The following UNC13C variants were observed in gnomAD, a reference collection of about 807,000 sequenced individuals.
UNC13C encodes unc-13 homolog C.
UNC13C carries 174 observed loss-of-function variants against 245.4 expected under a neutral mutation model. The observed-to-expected ratio is 0.71, with a 90% confidence interval of 0.63 to 0.80. UNC13C has a LOEUF of 0.80. Among genes scored for constraint, UNC13C ranks in the 30% least tolerant of loss-of-function variants. The pLI, the probability that UNC13C is intolerant of heterozygous loss-of-function variation, is 0.00. For missense variants in UNC13C, 2,829 were observed against 2,602.9 expected (o/e 1.09, Z -1.89); for synonymous variants, 992 against 895.1 (o/e 1.11, Z -1.93).
chr15:54,237,579 C>T (rs2035735724), intron 6 of UNC13C, 40 bp from the exon 7 acceptor site: 1 of 1,506,156 alleles, frequency 6.6e-7, no homozygotes, highest in East Asian at 2.3e-5. Flanking sequence ...GCACGTCAAC[C>T]TCCCTATGTA....
At chr15:54,612,069 C>A (rs966635949) in intron 30 of UNC13C, among the ~76,000 whole-genome samples, 15 of 45,294 alleles carry the variant, frequency 3.3e-4, no homozygotes, top group Admixed American at 1.7e-3. Flanking sequence ...AAAACACCAT[C>A]TGTCACATAT....
chr15:54,341,044 T>C (rs956547162), intron 17 of UNC13C, among the ~76,000 whole-genome samples: 3 of 152,220 alleles, frequency 2.0e-5, no homozygotes, highest in Non-Finnish European at 2.9e-5. Context: ...GAAGGCAGTA[T>C]GGAGGTTTCT....
chr15:53,914,451 CAGAA>C, the UNC13C span: 1 of 152,228 alleles, frequency 6.6e-6, no homozygotes, highest in African/African-American at 2.4e-5. Context: ...CTGGCGTCCA[CAGAA>C]AGAGAGAGTC....
At position 54,447,450 on chromosome 15, in the gene UNC13C, G is replaced by T. The variant is rs905522478; in HGVS notation, c.4933+32383G>T. 1.8e-4 allele frequency among the ~76,000 whole-genome samples: 27 copies of T among 152,014 alleles called. 1 individual carries two copies. The highest frequency in any genetic ancestry group is 4.2e-4 in the South Asian group (2 of 4,818). ...TATTAATTATTGCCTCAATTTCAGA[G>T]CCTGTTATTGGTCTATTCAGAGATT... On this transcript the variant is annotated intron_variant, in intron 19 of 32. Coordinates refer to ENST00000260323, the MANE Select transcript of UNC13C (RefSeq NM_001080534.3).
chr15:54,416,422 T>C (rs977963429), intron 19 of UNC13C, among the ~76,000 whole-genome samples: 7 of 152,142 alleles, frequency 4.6e-5, no homozygotes, highest in Non-Finnish European at 8.8e-5. Flanking sequence ...CACTCACAAA[T>C]AGAGAGGTTT....
intron 2 of UNC13C, among the ~76,000 whole-genome samples, chr15:54,089,196 G>A (rs147673343): frequency 6.6e-6 from 1 of 152,308 alleles, no homozygotes; most frequent in East Asian, 1.9e-4. Context: ...GTAACATGGA[G>A]TTAATGGTAT....
At chr15:54,110,691 G>T (rs980758917) in intron 2 of UNC13C, among the ~76,000 whole-genome samples, 5 of 152,262 alleles carry the variant, frequency 3.3e-5, no homozygotes, top group South Asian at 4.1e-4. Context: ...TAAACCAGAG[G>T]CTGGAGTACA....
intron 29 of UNC13C, among the ~76,000 whole-genome samples, chr15:54,560,569 A>G (rs1171156265): frequency 6.6e-6 from 1 of 151,848 alleles, no homozygotes; most frequent in Admixed American, 6.6e-5. Flanking sequence ...GCTCCTTCCT[A>G]CCCCCGCGGT....
At chr15:54,591,286 G>A (rs11071091) in intron 30 of UNC13C, among the ~76,000 whole-genome samples, 69,088 of 151,696 alleles carry the variant, frequency 0.46, 16,672 homozygotes, top group East Asian at 0.68. Context: ...TTTGGTATTA[G>A]GGTGATGCTG....
chr15:53,946,638 T>A, the UNC13C span, among the ~76,000 whole-genome samples: 7,734 of 149,822 alleles, frequency 0.052, 391 homozygotes, highest in African/African-American at 0.13. Flanking sequence ...GAAGAATCAC[T>A]TGAACCTGGG....
At chr15:54,373,341 T>G (rs1239475014) in intron 17 of UNC13C, among the ~76,000 whole-genome samples, 1 of 152,170 alleles carries the variant, frequency 6.6e-6, no homozygotes, top group African/African-American at 2.4e-5. Flanking sequence ...TGGACTTGTT[T>G]CACCCACTCA....
At chr15:54,088,202 T>C (rs1294541291) in intron 2 of UNC13C, among the ~76,000 whole-genome samples, 20 of 2,294 alleles carry the variant, frequency 8.7e-3, no homozygotes, top group Middle Eastern at 0.5. Context: ...TTCCTTTTCC[T>C]TTTTTTTTTT....
At chr15:54,163,310 C>T (rs1279957643) in intron 4 of UNC13C, among the ~76,000 whole-genome samples, 3 of 151,946 alleles carry the variant, frequency 2.0e-5, no homozygotes, top group African/African-American at 7.2e-5. Context: ...CAGGAAAAGA[C>T]AAGGAAAAAA....
the UNC13C span, among the ~76,000 whole-genome samples, chr15:53,924,226 AC>A: frequency 6.9e-6 from 1 of 145,178 alleles, no homozygotes; most frequent in Non-Finnish European, 1.6e-5. Flanking sequence ...AAACAAACAA[AC>A]AAAAAACAAA....
chr15:54,155,415 A>C (rs947405807), intron 4 of UNC13C, among the ~76,000 whole-genome samples: 1 of 152,200 alleles, frequency 6.6e-6, no homozygotes, highest in Non-Finnish European at 1.5e-5. Context: ...AGTCCCACTG[A>C]GATTCAAGGA....
At chr15:53,910,974 G>C in the UNC13C span, 8 of 152,202 alleles carry the variant, frequency 5.3e-5, no homozygotes, top group Non-Finnish European at 1.2e-4. Context: ...GCTGCAGCAC[G>C]GGCTGTACCC....
the UNC13C span, among the ~76,000 whole-genome samples, chr15:53,922,760 CT>C: frequency 6.6e-6 from 1 of 152,084 alleles, no homozygotes; most frequent in Non-Finnish European, 1.5e-5. Context: ...ATGTCAGAAA[CT>C]TTTATTTGCA....
chr15:54,002,150 G>GTGGC (rs776899476), intron 1 of UNC13C, among the ~76,000 whole-genome samples: 4 of 152,178 alleles, frequency 2.6e-5, no homozygotes, highest in Non-Finnish European at 4.4e-5. Context: ...AGCCGGCGTG[G>GTGGC]TGGCGGGCAC....
intron 1 of UNC13C, among the ~76,000 whole-genome samples, chr15:53,992,525 A>G (rs1894438159): frequency 1.3e-5 from 2 of 152,006 alleles, no homozygotes; most frequent in South Asian, 2.1e-4. Flanking sequence ...GACTTTTGCA[A>G]TCTTAGAGGA....
Sources: allele counts gnomAD v4.1 joint callset (sites outside exome capture counted in the v4.1 genomes callset), GRCh38; gene constraint gnomAD v4.1.1; transcripts MANE v1.5; gene names NCBI Gene and HGNC (gene_info 2026-07-23, HGNC 2026-07-21).